Variants in POT1 observed in about 807,000 individuals in gnomAD.
POT1 encodes protection of telomeres protein 1.
Under a neutral mutation model 78.5 loss-of-function variants are expected in POT1, and 47 were observed. That is an observed-to-expected ratio of 0.60 (90% CI 0.47 to 0.76). The LOEUF is 0.76. Ranked by LOEUF, POT1 falls within the 30% of genes least tolerant of loss-of-function variation. The pLI, the probability that POT1 is intolerant of heterozygous loss-of-function variation, is 0.00. For synonymous variants in POT1, 259 were observed against 260.7 expected, an observed-to-expected ratio of 0.99 and a Z score of 0.06; for missense variants, 646 against 749.9, an observed-to-expected ratio of 0.86 and a Z score of 1.62.
chr7:124,903,296 A>C (rs1003085914), intron 3 of POT1, among the ~76,000 whole-genome samples: 1 of 152,200 alleles, frequency 6.6e-6, no homozygotes, highest in East Asian at 1.9e-4. Flanking sequence ...CAGCAAATAT[A>C]AAAGAACAGA....
intron 6 of POT1, among the ~76,000 whole-genome samples, chr7:124,876,185 T>C (rs1795986527): frequency 6.6e-6 from 1 of 152,232 alleles, no homozygotes; most frequent in Non-Finnish European, 1.5e-5. Flanking sequence ...AACCATTTGT[T>C]TGTATATCTT....
chr7:124,872,291 G>C (rs1242242027), intron 6 of POT1, among the ~76,000 whole-genome samples: 1 of 152,142 alleles, frequency 6.6e-6, no homozygotes, highest in Non-Finnish European at 1.5e-5. Flanking sequence ...TGGGAGTGCA[G>C]ATATCTCTTC....
intron 7 of POT1, among the ~76,000 whole-genome samples, chr7:124,869,673 T>G (rs1029369509): frequency 1.4e-4 from 22 of 152,054 alleles, no homozygotes; most frequent in African/African-American, 4.1e-4. Context: ...ACCTCCGCCC[T>G]CCGGGTTCAA....
At chr7:124,855,086 GAA>G (rs1470297629) in intron 9 of POT1, among the ~76,000 whole-genome samples, 1 of 151,210 alleles carries the variant, frequency 6.6e-6, no homozygotes, top group African/African-American at 2.4e-5. Context: ...AAACTTATAC[GAA>G]AGAGAACAGT....
intron 1 of POT1, chr7:124,929,364 A>G (rs6980448): frequency 0.6 from 91,024 of 151,792 alleles, 27,406 homozygotes; most frequent in African/African-American, 0.66. Context: ...TATTGTATAG[A>G]CAAACTGTGC....
At chr7:124,884,956 G>GT (rs1796208874) in intron 6 of POT1, among the ~76,000 whole-genome samples, 2 of 149,262 alleles carry the variant, frequency 1.3e-5, no homozygotes, top group African/African-American at 5.1e-5. Flanking sequence ...TCCCTTATAT[G>GT]TGTTATCTAG....
chr7:124,864,925 C>G (rs1795684545), intron 7 of POT1, among the ~76,000 whole-genome samples: 1 of 152,160 alleles, frequency 6.6e-6, no homozygotes, highest in African/African-American at 2.4e-5. Context: ...CACTTCTTAA[C>G]TATCCAGCTT....
intron 11 of POT1, among the ~76,000 whole-genome samples, chr7:124,850,453 C>A (rs1584763852): frequency 6.6e-6 from 1 of 152,158 alleles, no homozygotes; most frequent in Non-Finnish European, 1.5e-5. Context: ...TGCGGACGGG[C>A]GCAATGGCCT....
chr7:124,897,046 T>A (rs1277926748), intron 5 of POT1, 119 bp downstream of exon 5: 1 of 517,974 alleles, frequency 1.9e-6, no homozygotes. Context: ...TTCCAGTGTA[T>A]TGATAATATA....
At chr7:124,907,118 G>A (rs987230462) in intron 3 of POT1, among the ~76,000 whole-genome samples, 8 of 152,068 alleles carry the variant, frequency 5.3e-5, no homozygotes, top group Non-Finnish European at 8.8e-5. Context: ...GCTACAAAAA[G>A]TGAGAAGGCT....
intron 9 of POT1, among the ~76,000 whole-genome samples, chr7:124,857,575 T>C (rs1319170525): frequency 6.6e-6 from 1 of 152,188 alleles, no homozygotes; most frequent in Non-Finnish European, 1.5e-5. Context: ...TATGGCTGGA[T>C]GTCAGAGAGA....
chr7:124,828,412 A>G lies in POT1; in HGVS notation c.1594+842T>C, dbSNP rs534564089. ...CTTGTTTGGAAATGGAAGATACTCA[A>G]TTTATAGAATGTTTTATTAGCTTTT... is the stretch of plus-strand genomic sequence containing the variant. On this transcript the variant is annotated intron_variant, in intron 16 of 18. Coordinates refer to ENST00000357628, the MANE Select transcript of POT1 (RefSeq NM_015450.3). 2.6e-5 allele frequency among the ~76,000 whole-genome samples: 4 copies of G among 152,318 alleles called. No homozygotes were observed. In the South Asian group the frequency reaches 6.2e-4, roughly 24 times the overall value.
At chr7:124,852,902 G>A in intron 10 of POT1, 70 bp downstream of exon 10, 3 of 1,396,640 alleles carry the variant, frequency 2.1e-6, no homozygotes, top group Non-Finnish European at 2.9e-6. Context: ...AGAAGCCCCA[G>A]GAACAATATT....
intron 18 of POT1, 152 bp downstream of exon 18, chr7:124,825,100 T>C (rs1239845228): frequency 2.4e-6 from 1 of 424,726 alleles, no homozygotes; most frequent in Non-Finnish European, 4.2e-6. Context: ...TGCCACTCTC[T>C]TCATCAAAGG....
Position 124,841,115 on chromosome 7 carries a change from T to G in POT1, c.1227A>C (p.Pro409=), listed in dbSNP as rs552835784. The change falls in exon 14 of 19, where the codon CCA becomes CCC. Residue 409 remains proline, a synonymous_variant. Transcript: ENST00000357628. The part of the protein sequence containing the change: ...IIFQDGATKT[P]DVKLQNTSLY... ...ATGATGTATTTTGTAGCTTGACATC[T>G]GGGGTTTTAGTTGCACCATCCTGAA... 7.8e-5 allele frequency: 126 copies of G among 1,612,994 alleles called. 2 individuals are homozygous for G. The South Asian group carries it at 1.3e-3, about 16-fold the overall frequency.
At chr7:124,902,325 C>A (rs1796642222) in intron 3 of POT1, among the ~76,000 whole-genome samples, 1 of 152,176 alleles carries the variant, frequency 6.6e-6, no homozygotes, top group East Asian at 1.9e-4. Context: ...AATAGTGGAT[C>A]TCTCAGGAGA....
At position 124,889,034 on chromosome 7, in the gene POT1, T is replaced by C. The variant is rs116586345; in HGVS notation, c.124+3232A>G. On this transcript the variant is annotated intron_variant, in intron 6 of 18. Transcript: ENST00000357628. Reference sequence around the variant, plus strand: ...ACTTTAAATCAAAAGTTACAAATGATGAAGCTTAGGAAGGCATATATCCAA... The same window carrying C: ...ACTTTAAATCAAAAGTTACAAATGACGAAGCTTAGGAAGGCATATATCCAA... 4.3e-3 allele frequency among the ~76,000 whole-genome samples: 650 copies of C among 152,018 alleles called. 6 individuals carry two copies. The highest frequency in any genetic ancestry group is 0.015 in the African/African-American group (622 of 41,522).
At chr7:124,848,106 A>C (rs1175035655) in intron 11 of POT1, among the ~76,000 whole-genome samples, 1 of 152,204 alleles carries the variant, frequency 6.6e-6, no homozygotes, top group East Asian at 1.9e-4. Flanking sequence ...ATATACAAAA[A>C]GAGTACATAT....
At chr7:124,826,939 T>C (rs138038248) in intron 17 of POT1, among the ~76,000 whole-genome samples, 57 of 152,278 alleles carry the variant, frequency 3.7e-4, no homozygotes, top group African/African-American at 1.3e-3. Context: ...AATGCTTCCA[T>C]AGTGTGGCCG....
Sources: gnomAD v4.1 joint callset for allele counts (sites outside exome capture counted in the v4.1 genomes callset) on GRCh38, gnomAD v4.1.1 for gene constraint, MANE v1.5 for transcripts, NCBI Gene and HGNC (gene_info 2026-07-23, HGNC 2026-07-21) for gene names.